The following ATP6V1C1 variants were observed in gnomAD, a reference collection of about 807,000 sequenced individuals.
ATP6V1C1 encodes the protein ATPase H+ transporting V1 subunit C1.
ATP6V1C1 carries 45 observed loss-of-function variants against 53.9 expected under a neutral mutation model. That is an observed-to-expected ratio of 0.83 (90% CI 0.66 to 1.07). The LOEUF is 1.07. Ranked by LOEUF, ATP6V1C1 falls within the 50% of genes least tolerant of loss-of-function variation. The pLI is 0.00. For missense variants in ATP6V1C1, 315 were observed against 440.3 expected, an observed-to-expected ratio of 0.72 and a Z score of 2.55; for synonymous variants, 153 against 155.2, an observed-to-expected ratio of 0.99 and a Z score of 0.11.
chr8:103,024,204 A>G (rs541109961), intron 1 of ATP6V1C1, among the ~76,000 whole-genome samples: 1 of 152,344 alleles, frequency 6.6e-6, no homozygotes, highest in African/African-American at 2.4e-5. Flanking sequence ...TGTAGGGACT[A>G]GATAAAATCT....
At position 103,021,141 on chromosome 8, in the gene ATP6V1C1, T is replaced by G. The variant is rs1238613549; in HGVS notation, c.-124T>G. On this transcript the variant is annotated 5_prime_UTR_variant, in exon 1 of 13. An upstream start codon of the reference 5' UTR is lost. Transcript: ENST00000518738. ...GGCCGGAGCTTAGGTCGGGAAGGGATGGATCGCTGAGCCGATAGCGTCCGC... is the reference window on the plus strand; with the variant it reads ...GGCCGGAGCTTAGGTCGGGAAGGGAGGGATCGCTGAGCCGATAGCGTCCGC... 1 of 152,906 alleles carries G rather than the reference T, an allele frequency of 6.5e-6. No individual in the cohort carries two copies. Among genetic ancestry groups the G allele is most frequent in the Non-Finnish European group, 1.5e-5 (1 of 68,248 alleles). 9.5% of individuals were successfully genotyped at this position (152,906 alleles called of 1,614,324 possible). A position where few individuals can be genotyped will look rare whatever the true frequency, so the allele number is the denominator to read the frequency against.
chr8:103,053,474 A>G (rs1817235582), intron 6 of ATP6V1C1, among the ~76,000 whole-genome samples: 1 of 152,002 alleles, frequency 6.6e-6, no homozygotes, highest in South Asian at 2.1e-4. Context: ...GTTAGCTACC[A>G]AAATTGCCTA....
In ATP6V1C1 at chr8:103,048,955, G is replaced by T. The variant is rs1817152712; in HGVS notation, c.286G>T (p.Val96Leu). 1 of 1,611,232 alleles carries T rather than the reference G, an allele frequency of 6.2e-7. No individual in the cohort carries two copies. The highest frequency in any genetic ancestry group is 1.3e-5 in the African/African-American group (1 of 74,832). ...TCAAGAGAATCTGTTGGCTAATGGA[G>T]GTAAGCTAATGCTCATGATTGATCA... ...KVQENLLANG[V>L]DLVTYITRFQ... The change falls in exon 4 of 13, where the codon GTG becomes TTG. Residue 96 changes from valine (V) to leucine (L), a missense_variant and splice_region_variant. By Grantham distance (32) the Val-to-Leu change is conservative. Transcript: ENST00000518738.
chr8:103,031,172 A>G (rs1280682645), intron 1 of ATP6V1C1, among the ~76,000 whole-genome samples: 1 of 152,240 alleles, frequency 6.6e-6, no homozygotes, highest in Non-Finnish European at 1.5e-5. Context: ...GAAATGGAAG[A>G]TATTTTAAAA....
At chr8:103,033,175 G>A (rs1183183755) in intron 1 of ATP6V1C1, among the ~76,000 whole-genome samples, 2 of 152,328 alleles carry the variant, frequency 1.3e-5, no homozygotes, top group Admixed American at 6.5e-5. Flanking sequence ...GCCCAGGGCT[G>A]GCAGTGAGAT....
intron 1 of ATP6V1C1, among the ~76,000 whole-genome samples, chr8:103,034,381 G>C (rs942044167): frequency 6.6e-6 from 1 of 152,250 alleles, no homozygotes; most frequent in African/African-American, 2.4e-5. Flanking sequence ...GGTGGTGTCA[G>C]GTTCTTGGCA....
chr8:103,053,754 A>G lies in ATP6V1C1; in HGVS notation c.474-130A>G. The G allele has an allele frequency of 1.7e-5, 11 of 649,486 alleles. 1 individual carries two copies. In the South Asian group the frequency reaches 2.3e-4, roughly 13 times the overall value. 40.2% of individuals were successfully genotyped at this position (649,486 alleles called of 1,614,324 possible). A position where few individuals can be genotyped will look rare whatever the true frequency, so the allele number is the denominator to read the frequency against. On this transcript the variant is annotated intron_variant, in intron 6 of 12. Coordinates refer to ENST00000518738, the MANE Select transcript of ATP6V1C1 (RefSeq NM_001695.5). ...CTAAATGGTGACTTCTTACAAAGTA[A>G]AAATGTTGACTAAGACTAATCCCTC...
At chr8:103,032,376 G>A (rs1000917909) in intron 1 of ATP6V1C1, among the ~76,000 whole-genome samples, 3 of 152,192 alleles carry the variant, frequency 2.0e-5, no homozygotes, top group African/African-American at 7.2e-5. Flanking sequence ...AAGTGTTGGT[G>A]GAGCATCTGG....
chr8:103,057,287 CA>C (rs1380174237), intron 8 of ATP6V1C1, among the ~76,000 whole-genome samples: 37 of 152,218 alleles, frequency 2.4e-4, no homozygotes, highest in Non-Finnish European at 4.7e-4. Flanking sequence ...TTGCAGAAAG[CA>C]GCCAACCAGA....
At chr8:103,052,667 ATAGTAT>A (rs1244662984) in intron 5 of ATP6V1C1, 58 bp from the exon 6 acceptor site, 97 of 837,708 alleles carry the variant, frequency 1.2e-4, no homozygotes, top group Middle Eastern at 2.5e-4. Context: ...AGCTACTTTG[ATAGTAT>A]TAGTAGAGGC....
chr8:103,045,823 C>G (rs2131391992), intron 3 of ATP6V1C1, among the ~76,000 whole-genome samples: 1 of 152,216 alleles, frequency 6.6e-6, no homozygotes, highest in Non-Finnish European at 1.5e-5. Flanking sequence ...CGCCTGTAGT[C>G]CCAGCTACTC....
intron 3 of ATP6V1C1, among the ~76,000 whole-genome samples, chr8:103,044,602 GC>G (rs1184138293): frequency 6.6e-6 from 1 of 151,498 alleles, no homozygotes; most frequent in East Asian, 1.9e-4. Flanking sequence ...TCTCTCCTAT[GC>G]CAGTACCACA....
chr8:103,041,646 C>T (rs960291420), intron 2 of ATP6V1C1, among the ~76,000 whole-genome samples: 2 of 151,874 alleles, frequency 1.3e-5, no homozygotes, highest in South Asian at 2.1e-4. Flanking sequence ...CTGAGGTGGG[C>T]GGATCACTTG....
intron 1 of ATP6V1C1, among the ~76,000 whole-genome samples, chr8:103,027,643 T>G (rs866666349): frequency 1.5e-5 from 2 of 134,560 alleles, no homozygotes; most frequent in African/African-American, 3.3e-5. Context: ...GGATCTAGGG[T>G]TTTTTTTTTT....
In ATP6V1C1 at chr8:103,070,367, T is replaced by G. The variant is rs1336858927; in HGVS notation, c.*1620T>G. 2.0e-5 allele frequency: 3 copies of G among 152,250 alleles called. No homozygotes were observed. The highest frequency in any genetic ancestry group is 4.8e-5 in the African/African-American group (2 of 41,462). 9.4% of individuals were successfully genotyped at this position (152,250 alleles called of 1,614,324 possible). ...TTGTAGGGTCATAGGTTATGTACAC[T>G]TAAGTTTTTGACACTCACTGCCAAG... On this transcript the variant is annotated 3_prime_UTR_variant, in exon 13 of 13. Transcript: ENST00000518738.
intron 1 of ATP6V1C1, among the ~76,000 whole-genome samples, chr8:103,029,373 G>A (rs1202866588): frequency 6.6e-6 from 1 of 151,110 alleles, no homozygotes; most frequent in Non-Finnish European, 1.5e-5. Flanking sequence ...GGGTTCAAGC[G>A]ATTCTCTTGC....
chr8:103,057,259 T>C (rs1817303910), intron 8 of ATP6V1C1, among the ~76,000 whole-genome samples: 1 of 152,222 alleles, frequency 6.6e-6, no homozygotes, highest in East Asian at 1.9e-4. Context: ...CGTGGTAGCC[T>C]GCAGTGAGCC....
In ATP6V1C1 at chr8:103,068,686, A is replaced by G. The variant is rs1290569602; in HGVS notation, c.1088A>G (p.Gln363Arg). Residue 363 changes from glutamine (Q) to arginine (R), a missense_variant, in exon 13 of 13, where the codon CAA becomes CGA. Physicochemically the swap from Gln to Arg is conservative, Grantham distance 43 (BLOSUM62 1). Coordinates refer to ENST00000518738, the MANE Select transcript of ATP6V1C1 (RefSeq NM_001695.5). ...GATATTCCAGGTTTAAACCTGAGTC[A>G]ACAAGAATACTACCCCTATGTGTAC... ...PMDIPGLNLS[Q>R]QEYYPYVYYK... is the part of the protein sequence containing the mutation. The G allele has an allele frequency of 6.2e-7, 1 of 1,610,874 alleles. No homozygotes were observed. Among genetic ancestry groups the G allele is most frequent in the Non-Finnish European group, 8.5e-7 (1 of 1,178,680 alleles).
At chr8:103,068,293 C>T (rs181316070) in intron 12 of ATP6V1C1, among the ~76,000 whole-genome samples, 7 of 152,292 alleles carry the variant, frequency 4.6e-5, no homozygotes, top group African/African-American at 1.7e-4. Context: ...TTTATTTTTA[C>T]TCCATATTTT....
Sources: gnomAD v4.1 joint callset for allele counts (sites outside exome capture counted in the v4.1 genomes callset) on GRCh38, gnomAD v4.1.1 for gene constraint, MANE v1.5 for transcripts, NCBI Gene and HGNC (gene_info 2026-07-23, HGNC 2026-07-21) for gene names.